GFOD1: variants seen among roughly 807,000 people sequenced by gnomAD.
The protein encoded by GFOD1 is glucose-fructose oxidoreductase domain-containing protein 1.
GFOD1 carries 9 observed loss-of-function variants against 25.4 expected under a neutral mutation model. That is an observed-to-expected ratio of 0.35 (90% CI 0.21 to 0.62). The LOEUF is 0.62. Ranked by LOEUF, GFOD1 falls within the 20% of genes least tolerant of loss-of-function variation. The pLI is 0.72. For synonymous variants in GFOD1, 253 were observed against 245.6 expected, an observed-to-expected ratio of 1.03 and a Z score of -0.28; for missense variants, 403 against 556.9, an observed-to-expected ratio of 0.72 and a Z score of 2.78.
chr6:13,367,141 T>C (rs1171885426), intron 1 of GFOD1, among the ~76,000 whole-genome samples: 1 of 152,146 alleles, frequency 6.6e-6, no homozygotes, highest in Non-Finnish European at 1.5e-5. Context: ...GTATTATTAT[T>C]AAAAATCATA....
intron 1 of GFOD1, among the ~76,000 whole-genome samples, chr6:13,454,880 G>A (rs1758161389): frequency 6.6e-6 from 1 of 152,174 alleles, no homozygotes; most frequent in African/African-American, 2.4e-5. Context: ...TTTCGTAGAG[G>A]GAGGGGAGGA....
At chr6:13,421,023 G>A (rs1210943006) in intron 1 of GFOD1, among the ~76,000 whole-genome samples, 1 of 152,170 alleles carries the variant, frequency 6.6e-6, no homozygotes, top group Non-Finnish European at 1.5e-5. Context: ...CAATAATAAT[G>A]TATGTAAAAT....
At chr6:13,470,299 G>C in intron 1 of GFOD1, 2 of 1,584,262 alleles carry the variant, frequency 1.3e-6, no homozygotes, top group Non-Finnish European at 8.6e-7. Context: ...GCTGTGGCTG[G>C]AGGCCCGCTG....
chr6:13,432,537 G>C (rs1757767769), intron 1 of GFOD1, among the ~76,000 whole-genome samples: 1 of 152,018 alleles, frequency 6.6e-6, no homozygotes, highest in Admixed American at 6.5e-5. Context: ...AAGAACCTTA[G>C]GAAGAAAACA....
Position 13,374,264 on chromosome 6 carries a change from G to GT in GFOD1, c.254-8603dup, listed in dbSNP as rs113077397. 2.2e-3 allele frequency among the ~76,000 whole-genome samples: 275 copies of GT among 126,178 alleles called. 1 individual carries two copies. In the East Asian group the frequency reaches 0.041, roughly 19 times the overall value. 82.8% of individuals were successfully genotyped at this position (126,178 alleles called of 152,430 possible). A position where few individuals can be genotyped will look rare whatever the true frequency, so the allele number is the denominator to read the frequency against. ...GCCAGCCTAGTCTTTTTAAAAATAT[G>GT]TTTTTTTTTTGTGTGTGTGTGTGTG... On this transcript the variant is annotated intron_variant, in intron 1 of 1. Coordinates refer to ENST00000379287, the MANE Select transcript of GFOD1 (RefSeq NM_018988.4).
intron 1 of GFOD1, among the ~76,000 whole-genome samples, chr6:13,394,382 G>A (rs749284624): frequency 6.6e-6 from 1 of 151,736 alleles, no homozygotes; most frequent in Non-Finnish European, 1.5e-5. Flanking sequence ...GATAACTTTG[G>A]TCGTCTCTGG....
chr6:13,422,477 C>G (rs1410522166), intron 1 of GFOD1, among the ~76,000 whole-genome samples: 1 of 152,166 alleles, frequency 6.6e-6, no homozygotes, highest in African/African-American at 2.4e-5. Context: ...TATCATCCAA[C>G]AAATCCTTCA....
chr6:13,456,026 T>C (rs1453691369), intron 1 of GFOD1, among the ~76,000 whole-genome samples: 1 of 152,248 alleles, frequency 6.6e-6, no homozygotes, highest in African/African-American at 2.4e-5. Context: ...TCTCCTCATT[T>C]GGCTAAGTTC....
chr6:13,422,143 C>G (rs909334881), intron 1 of GFOD1, among the ~76,000 whole-genome samples: 5 of 152,084 alleles, frequency 3.3e-5, no homozygotes, highest in African/African-American at 9.7e-5. Flanking sequence ...AACACACACT[C>G]TCTCCCTTTC....
chr6:13,445,308 A>C (rs945897324), intron 1 of GFOD1, among the ~76,000 whole-genome samples: 8 of 152,222 alleles, frequency 5.3e-5, no homozygotes, highest in African/African-American at 1.9e-4. Context: ...TTTGATTACT[A>C]AGGAAATAAT....
intron 1 of GFOD1, among the ~76,000 whole-genome samples, chr6:13,381,354 AGAC>A (rs1785358319): frequency 6.6e-6 from 1 of 152,166 alleles, no homozygotes; most frequent in Non-Finnish European, 1.5e-5. Context: ...CCCATTTTAC[AGAC>A]AAGGAAATGG....
At chr6:13,480,291 G>A (rs1184696037) in intron 1 of GFOD1, among the ~76,000 whole-genome samples, 2 of 152,166 alleles carry the variant, frequency 1.3e-5, no homozygotes, top group Non-Finnish European at 2.9e-5. Context: ...AGTCTGCACT[G>A]CTGTCTCAAA....
rs567771864 is a variant in GFOD1, at chr6:13,358,192, A to G, written c.*6551T>C. On this transcript the variant is annotated 3_prime_UTR_variant, in exon 2 of 2. Coordinates refer to ENST00000379287, the MANE Select transcript of GFOD1 (RefSeq NM_018988.4). The stretch of plus-strand genomic sequence containing the variant: ...TATAATTTATAAGCTATGTTTGACT[A>G]TCTACATTATATAGAAAATATAGAC... The G allele has an allele frequency of 1.3e-5, 2 of 152,280 alleles. No homozygotes were observed. Among genetic ancestry groups the G allele is most frequent in the Non-Finnish European group, 2.9e-5 (2 of 68,018 alleles). 9.4% of individuals were successfully genotyped at this position (152,280 alleles called of 1,614,324 possible). A position where few individuals can be genotyped will look rare whatever the true frequency, so the allele number is the denominator to read the frequency against.
intron 1 of GFOD1, among the ~76,000 whole-genome samples, chr6:13,414,737 G>A (rs1355013330): frequency 6.6e-6 from 1 of 152,174 alleles, no homozygotes; most frequent in Non-Finnish European, 1.5e-5. Flanking sequence ...AACTTCTAAA[G>A]GGGTTCCCTT....
intron 1 of GFOD1, among the ~76,000 whole-genome samples, chr6:13,381,452 C>T (rs1273557293): frequency 6.6e-6 from 1 of 152,242 alleles, no homozygotes; most frequent in Non-Finnish European, 1.5e-5. Context: ...ATAAAGGCTC[C>T]AGCCCCTGAG....
chr6:13,391,724 G>A (rs1785618068), intron 1 of GFOD1, among the ~76,000 whole-genome samples: 1 of 152,112 alleles, frequency 6.6e-6, no homozygotes, highest in Non-Finnish European at 1.5e-5. Context: ...CCACGTATCT[G>A]GACAAGTAAC....
rs1786340588 is a variant in GFOD1, at chr6:13,425,796, C to T, written c.254-60134G>A. ...CCAGGGGTGTCCAATCTTTTGGCTT[C>T]CCTGGGCCACATTGGAAGAAGAAAA... On this transcript the variant is annotated intron_variant, in intron 1 of 1. Coordinates refer to ENST00000379287, the MANE Select transcript of GFOD1 (RefSeq NM_018988.4). Among the ~76,000 whole-genome samples, 3 of 151,676 alleles carry T rather than the reference C, an allele frequency of 2.0e-5. No homozygotes were observed. The South Asian group carries it at 6.2e-4, about 31-fold the overall frequency.
intron 1 of GFOD1, among the ~76,000 whole-genome samples, chr6:13,415,908 C>T (rs2127567117): frequency 6.6e-6 from 1 of 152,318 alleles, no homozygotes; most frequent in African/African-American, 2.4e-5. Context: ...TGGTAACAGA[C>T]AAACGTGGTC....
chr6:13,358,669 A>C lies in GFOD1; in HGVS notation c.*6074T>G, dbSNP rs1784904365. The C allele has an allele frequency of 6.6e-6, 1 of 152,294 alleles. No individual in the cohort carries two copies. The highest frequency in any genetic ancestry group is 6.5e-5 in the Admixed American group (1 of 15,288). The allele number at this position is 152,294 out of a possible 1,614,324, so 9.4% of individuals were successfully genotyped here. ...TTTATAAGGAAAAACCAAGGGGCTC[A>C]TTCAACAGCTTAGCCCTTGTGGTGG... is the stretch of plus-strand genomic sequence containing the variant. On this transcript the variant is annotated 3_prime_UTR_variant, in exon 2 of 2. Coordinates refer to ENST00000379287, the MANE Select transcript of GFOD1 (RefSeq NM_018988.4).
Sources: allele counts gnomAD v4.1 joint callset (sites outside exome capture counted in the v4.1 genomes callset), GRCh38; gene constraint gnomAD v4.1.1; transcripts MANE v1.5; gene names NCBI Gene and HGNC (gene_info 2026-07-23, HGNC 2026-07-21).